The following PSG2 variants were observed in gnomAD, a reference collection of about 807,000 sequenced individuals.
PSG2 encodes pregnancy-specific beta-1-glycoprotein 2.
In PSG2, 49 loss-of-function variants were observed where a neutral mutation model predicts 36.2. The observed-to-expected ratio is 1.35, with a 90% confidence interval of 1.08 to 1.72. The LOEUF is 1.72. Ranked by LOEUF, PSG2 falls within the 40% of genes most tolerant of loss-of-function variation. The probability of loss-of-function intolerance (pLI) is 0.00; values close to 1 mark genes in which losing one functional copy is unlikely to be tolerated. For synonymous variants in PSG2, 261 were observed against 155.6 expected (o/e 1.68, Z -5.04); for missense variants, 605 against 407.2 (o/e 1.49, Z -4.18).
intron 4 of PSG2, among the ~76,000 whole-genome samples, chr19:43,067,842 G>A (rs1312775500): frequency 6.6e-6 from 1 of 151,344 alleles, no homozygotes; most frequent in East Asian, 1.9e-4. Context: ...CAGAGAAGTT[G>A]AGTCTTGTGC....
chr19:43,064,297 A>T lies in PSG2; in HGVS notation c.*345T>A, dbSNP rs894961648. ...CTGGGGCACTCAGATAGAGAGCAAA[A>T]GGAAATGTTTCAATTTTTGTTTACA... On this transcript the variant is annotated 3_prime_UTR_variant, in exon 6 of 6. Coordinates refer to ENST00000406487, the MANE Select transcript of PSG2 (RefSeq NM_031246.4). 4.3e-6 allele frequency: 1 copy of T among 234,236 alleles called. No individual in the cohort carries two copies. Among genetic ancestry groups the T allele is most frequent in the African/African-American group, 2.3e-5 (1 of 43,216 alleles). 14.5% of individuals were successfully genotyped at this position (234,236 alleles called of 1,614,324 possible).
intron 3 of PSG2, among the ~76,000 whole-genome samples, chr19:43,072,915 T>A (rs1379893328): frequency 6.6e-6 from 1 of 151,690 alleles, no homozygotes; most frequent in East Asian, 1.9e-4. Flanking sequence ...CCAGTACCCC[T>A]CCCAGTCTCT....
intron 3 of PSG2, among the ~76,000 whole-genome samples, chr19:43,073,252 C>T (rs1967844982): frequency 6.6e-6 from 1 of 151,772 alleles, no homozygotes; most frequent in South Asian, 2.1e-4. Context: ...TGATGACTTA[C>T]TTGAACCAGT....
At chr19:43,076,506 G>A (rs971648869) in intron 2 of PSG2, among the ~76,000 whole-genome samples, 8 of 151,764 alleles carry the variant, frequency 5.3e-5, no homozygotes, top group African/African-American at 1.9e-4. Flanking sequence ...GGCCCTCATG[G>A]ACCATATGTG....
At chr19:43,070,443 C>T (rs1377562290) in intron 4 of PSG2, among the ~76,000 whole-genome samples, 1 of 151,594 alleles carries the variant, frequency 6.6e-6, no homozygotes, top group African/African-American at 2.4e-5. Flanking sequence ...ATGGAAACAA[C>T]CAAAAAGTCC....
rs1387233051 is a variant in PSG2, at chr19:43,064,608, G to A, written c.*41-7C>T. Reference sequence around the variant, plus strand: ...AGACCTTTCCATAAATCTCCTTGAAGAAAAAGCAATTTTGGACTGTAGGTG... The same window carrying A: ...AGACCTTTCCATAAATCTCCTTGAAAAAAAAGCAATTTTGGACTGTAGGTG... On this transcript the variant is annotated splice_region_variant and splice_polypyrimidine_tract_variant and intron_variant, in intron 5 of 5. Coordinates refer to ENST00000406487, the MANE Select transcript of PSG2 (RefSeq NM_031246.4). 2 of 647,798 alleles carry A rather than the reference G, an allele frequency of 3.1e-6. No individual in the cohort carries two copies. Among genetic ancestry groups the A allele is most frequent in the South Asian group, 3.1e-5 (2 of 63,710 alleles). 40.1% of individuals were successfully genotyped at this position (647,798 alleles called of 1,614,324 possible). A position where few individuals can be genotyped will look rare whatever the true frequency, so the allele number is the denominator to read the frequency against.
At chr19:43,079,453 C>G (rs1030856404) in intron 2 of PSG2, among the ~76,000 whole-genome samples, 2 of 151,600 alleles carry the variant, frequency 1.3e-5, no homozygotes, top group African/African-American at 2.4e-5. Context: ...CATCCAGTCT[C>G]TAAAGAGGTT....
At chr19:43,069,932 A>G (rs1967792674) in intron 4 of PSG2, among the ~76,000 whole-genome samples, 1 of 151,842 alleles carries the variant, frequency 6.6e-6, no homozygotes, top group Non-Finnish European at 1.5e-5. Flanking sequence ...TTTGCAAATT[A>G]TATGTGTGAT....
intron 3 of PSG2, among the ~76,000 whole-genome samples, chr19:43,073,505 G>A (rs1277498332): frequency 1.3e-5 from 2 of 151,800 alleles, no homozygotes; most frequent in Non-Finnish European, 2.9e-5. Context: ...GGTCGTCATG[G>A]ACCATGTGTG....
At chr19:43,082,169 C>G (rs1295614960) in intron 1 of PSG2, 1 of 127,156 alleles carries the variant, frequency 7.9e-6, no homozygotes, top group Non-Finnish European at 1.5e-5. Context: ...GAGACGGAGT[C>G]TCGTACTGTC....
At chr19:43,064,784 A>G (rs776347183) in intron 5 of PSG2, among the ~76,000 whole-genome samples, 183 bp from the exon 6 acceptor site, 34 of 151,792 alleles carry the variant, frequency 2.2e-4, no homozygotes, top group Non-Finnish European at 4.9e-4. Flanking sequence ...TGACACTATG[A>G]TAACATATTT....
rs1166844951 is a variant in PSG2 at position 43,076,199 on chromosome 19, G to T, written c.431-567C>A. Reference sequence around the variant, plus strand: ...GCCTGGAGGTCAGTTCAGTCATCAGGCAGTGGAGCCACAAGGTGGGGCAGT... The same window carrying T: ...GCCTGGAGGTCAGTTCAGTCATCAGTCAGTGGAGCCACAAGGTGGGGCAGT... On this transcript the variant is annotated intron_variant, in intron 2 of 5. Transcript: ENST00000406487. Among the ~76,000 whole-genome samples the T allele has an allele frequency of 3.3e-5, 5 of 151,674 alleles. 1 individual carries two copies. The highest frequency in any genetic ancestry group is 1.2e-4 in the African/African-American group (5 of 41,062).
At chr19:43,080,826 G>A (rs937609359) in intron 2 of PSG2, 55 bp downstream of exon 2, 2 of 1,612,106 alleles carry the variant, frequency 1.2e-6, no homozygotes, top group Non-Finnish European at 1.7e-6. Context: ...CTGTGTGTGT[G>A]AAGTAGAAAT....
At chr19:43,070,802 C>G (rs925548524) in intron 4 of PSG2, among the ~76,000 whole-genome samples, 1 of 151,604 alleles carries the variant, frequency 6.6e-6, no homozygotes, top group Non-Finnish European at 1.5e-5. Flanking sequence ...AAATTGCACA[C>G]TTAGAAATAG....
intron 4 of PSG2, 107 bp downstream of exon 4, chr19:43,071,593 G>T (rs1967816643): frequency 1.2e-5 from 20 of 1,609,762 alleles, no homozygotes; most frequent in Non-Finnish European, 1.7e-5. Context: ...ATTTGCTTTT[G>T]CCCATGGGAC....
intron 5 of PSG2, among the ~76,000 whole-genome samples, chr19:43,065,247 C>A (rs1048559028): frequency 6.6e-6 from 1 of 151,426 alleles, no homozygotes; most frequent in Non-Finnish European, 1.5e-5. Context: ...AATAAGGTGG[C>A]TTTTCCGTTC....
chr19:43,082,334 G>A (rs771960888), intron 1 of PSG2, 172 bp downstream of exon 1: 9 of 1,024,080 alleles, frequency 8.8e-6, no homozygotes, highest in African/African-American at 1.6e-5. Context: ...TAGAGACAGG[G>A]CTACACTGTG....
In PSG2 at chr19:43,071,997, G is replaced by T. The variant is rs1346768156; in HGVS notation, c.710-43C>A. On this transcript the variant is annotated intron_variant, in intron 3 of 5. Coordinates refer to ENST00000406487, the MANE Select transcript of PSG2 (RefSeq NM_031246.4). ...AAGCCACAGGTGATGCCATCTGAGG[G>T]AAGGGGATGCTCCTGGTCTCTTAAA... 3 of 1,600,118 alleles carry T rather than the reference G, an allele frequency of 1.9e-6. No homozygotes were observed. The East Asian group carries it at 6.7e-5, about 36-fold the overall frequency.
chr19:43,080,150 G>A (rs1354073747), intron 2 of PSG2, among the ~76,000 whole-genome samples: 1 of 151,790 alleles, frequency 6.6e-6, no homozygotes, highest in South Asian at 2.1e-4. Flanking sequence ...TGGACAAGCT[G>A]CTACCAGGTA....
Sources: gnomAD v4.1 joint callset for allele counts (sites outside exome capture counted in the v4.1 genomes callset) on GRCh38, gnomAD v4.1.1 for gene constraint, MANE v1.5 for transcripts, NCBI Gene and HGNC (gene_info 2026-07-23, HGNC 2026-07-21) for gene names.